The following DCUN1D4 variants were observed in gnomAD, a reference collection of about 807,000 sequenced individuals.
DCUN1D4 encodes the protein DCN1-like protein 4.
A neutral mutation model predicts 47.9 loss-of-function variants in DCUN1D4; 22 were observed. The ratio of observed to expected loss-of-function variants is 0.46; its 90% confidence interval spans 0.33 to 0.66. The LOEUF (loss-of-function observed/expected upper bound fraction) is 0.66, where lower values mean the gene tolerates loss of function less well. DCUN1D4 is among the 30% of genes least tolerant of loss of function. The pLI, the probability that DCUN1D4 is intolerant of heterozygous loss-of-function variation, is 0.02. For synonymous variants in DCUN1D4, 121 were observed against 112.2 expected (o/e 1.08, Z -0.50); for missense variants, 301 against 340.8 (o/e 0.88, Z 0.92).
chr4:51,913,177 C>CAGAAAG (rs1323653225), intron 9 of DCUN1D4, 113 bp from the exon 10 acceptor site: 2 of 627,120 alleles, frequency 3.2e-6, no homozygotes, highest in African/African-American at 3.7e-5. Context: ...AAACCTCAAA[C>CAGAAAG]AGAAAGAGTT....
intron 4 of DCUN1D4, 41 bp from the exon 5 acceptor site, chr4:51,877,722 A>G (rs1280584453): frequency 1.6e-6 from 2 of 1,239,122 alleles, no homozygotes; most frequent in Non-Finnish European, 2.3e-6. Flanking sequence ...TAAAGAACTC[A>G]GTATCTTTAA....
intron 1 of DCUN1D4, chr4:51,843,607 G>T: frequency 1.6e-6 from 2 of 1,262,296 alleles, no homozygotes; most frequent in Non-Finnish European, 2.0e-6. Flanking sequence ...GGCAGCGTTG[G>T]GCTGTAGCGG....
intron 8 of DCUN1D4, among the ~76,000 whole-genome samples, chr4:51,908,723 C>T (rs770483458): frequency 2.6e-5 from 4 of 152,074 alleles, no homozygotes; most frequent in South Asian, 2.1e-4. Context: ...GAACCCCCTG[C>T]GAGTGTCTCC....
chr4:51,838,364 G>T (rs1305147631), upstream of DCUN1D4, among the ~76,000 whole-genome samples: 1 of 151,972 alleles, frequency 6.6e-6, no homozygotes, highest in African/African-American at 2.4e-5. Context: ...CCTAAAAAGA[G>T]GCCTGGTTTC....
At chr4:51,872,731 G>C (rs2109968334) in intron 3 of DCUN1D4, among the ~76,000 whole-genome samples, 1 of 152,246 alleles carries the variant, frequency 6.6e-6, no homozygotes, top group South Asian at 2.1e-4. Flanking sequence ...GGGCTGCTTG[G>C]GTTCATACTG....
chr4:51,874,318 C>A lies in DCUN1D4; in HGVS notation c.184C>A (p.Pro62Thr). 6.2e-7 allele frequency: 1 copy of A among 1,613,348 alleles called. No individual in the cohort carries two copies. Among genetic ancestry groups the A allele is most frequent in the Non-Finnish European group, 8.5e-7 (1 of 1,179,782 alleles). Residue 62 changes from proline to threonine, a missense_variant, in exon 4 of 11, where the codon CCA becomes ACA. This residue lies in a region of DCUN1D4 where 131 missense variants were observed against 106.3 expected (regional missense o/e 1.23). Transcript: ENST00000334635. ...TTCAGACTGCTTTAATAAAGTGATG[C>A]CACCAAGGAAAAAGAGAAGACCTGC... ...SSSDCFNKVM[P>T]PRKKRRPASG...
rs766690558 is a variant in DCUN1D4, at chr4:51,891,842, C to A, written c.497C>A (p.Thr166Asn). ...CTACAGGAGTGGTTAAAAGGAATGA[C>A]TTCTCTCCAGTAAGTCCTAGGCTGC... Reference protein sequence around the residue: ...FTLQEWLKGMTSLQCDTTEKL... With the variant: ...FTLQEWLKGMNSLQCDTTEKL... Residue 166 changes from threonine (T) to asparagine (N), a missense_variant, in exon 7 of 11, where the codon ACT (threonine) becomes AAT (asparagine). Transcript: ENST00000334635. The A allele has an allele frequency of 6.2e-7, 1 of 1,609,960 alleles. No individual in the cohort carries two copies. Among genetic ancestry groups the A allele is most frequent in the South Asian group, 1.1e-5 (1 of 90,256 alleles).
At chr4:51,847,884 C>A (rs4864614) in intron 1 of DCUN1D4, among the ~76,000 whole-genome samples, 63,297 of 151,978 alleles carry the variant, frequency 0.42, 15,925 homozygotes, top group African/African-American at 0.71. Context: ...ATAACAATAG[C>A]TGCTTGTTTA....
chr4:51,856,196 T>C (rs190444558), intron 1 of DCUN1D4, among the ~76,000 whole-genome samples: 1 of 152,350 alleles, frequency 6.6e-6, no homozygotes, highest in East Asian at 1.9e-4. Context: ...CCTTTCCTTC[T>C]GCCGCCTTTA....
intron 1 of DCUN1D4, among the ~76,000 whole-genome samples, chr4:51,849,226 A>G (rs1723000976): frequency 6.6e-6 from 1 of 152,148 alleles, no homozygotes; most frequent in African/African-American, 2.4e-5. Flanking sequence ...GAGGCAAGGA[A>G]AGAAGAGTAG....
chr4:51,902,177 T>C (rs1732217140), intron 8 of DCUN1D4, among the ~76,000 whole-genome samples: 1 of 152,192 alleles, frequency 6.6e-6, no homozygotes, highest in African/African-American at 2.4e-5. Flanking sequence ...ATCTATTTGA[T>C]TTATGGTCCA....
rs1734156824 is a variant in DCUN1D4, at chr4:51,914,738, T to G, written c.*1154T>G. 6.6e-6 allele frequency: 1 copy of G among 152,456 alleles called. No homozygotes were observed. The highest frequency in any genetic ancestry group is 1.5e-5 in the Non-Finnish European group (1 of 67,998). The allele number at this position is 152,456 out of a possible 1,614,324, so 9.4% of individuals were successfully genotyped here. A position where few individuals can be genotyped will look rare whatever the true frequency, so the allele number is the denominator to read the frequency against. ...GGCCACTTTTCATTACCTGAGTTATTTGTACAGAAGGGCAATAGCCATTAT... is the reference window on the plus strand; with the variant it reads ...GGCCACTTTTCATTACCTGAGTTATGTGTACAGAAGGGCAATAGCCATTAT... On this transcript the variant is annotated 3_prime_UTR_variant, in exon 11 of 11. Transcript: ENST00000334635.
At chr4:51,840,734 G>A (rs570678273), upstream of DCUN1D4, among the ~76,000 whole-genome samples, 19 of 152,258 alleles carry the variant, frequency 1.2e-4, no homozygotes, top group Admixed American at 3.9e-4. Flanking sequence ...TGATATCAGA[G>A]GTTTATATGG....
At position 51,899,378 on chromosome 4, in the gene DCUN1D4, G is replaced by A; in HGVS notation, c.615G>A (p.Arg205=). ...ACAGATATGCGTTTGACTTTGCACG[G>A]GTGAGTTCTCTGGAGCCTATCCAGA... ...LIYRYAFDFA[R]EKDQRSLDIN... The change falls in exon 8 of 11, where the codon CGG becomes CGA. Residue 205 remains arginine (R), a splice_region_variant and synonymous_variant. Transcript: ENST00000334635. 1 of 1,603,374 alleles carries A rather than the reference G, an allele frequency of 6.2e-7. No homozygotes were observed. Among genetic ancestry groups the A allele is most frequent in the Non-Finnish European group, 8.5e-7 (1 of 1,175,072 alleles).
intron 1 of DCUN1D4, 21 bp downstream of exon 1, chr4:51,843,288 C>T: frequency 6.6e-7 from 1 of 1,525,322 alleles, no homozygotes; most frequent in South Asian, 1.2e-5. Context: ...GAGAGCCAGC[C>T]AGCGGGCCGG....
At chr4:51,905,906 A>T (rs1170257440) in intron 8 of DCUN1D4, among the ~76,000 whole-genome samples, 1 of 152,108 alleles carries the variant, frequency 6.6e-6, no homozygotes, top group Admixed American at 6.5e-5. Flanking sequence ...GTTTGAGAGG[A>T]GCCCTGGTGG....
intron 8 of DCUN1D4, among the ~76,000 whole-genome samples, chr4:51,903,572 T>C (rs1224986288): frequency 3.3e-5 from 5 of 152,178 alleles, no homozygotes; most frequent in Non-Finnish European, 7.3e-5. Flanking sequence ...CTGTTATTTC[T>C]CCAAATATTT....
At position 51,893,629 on chromosome 4, in the gene DCUN1D4, G is replaced by A. The variant is rs531905995; in HGVS notation, c.506+1778G>A. Among the ~76,000 whole-genome samples, 15 of 152,282 alleles carry A rather than the reference G, an allele frequency of 9.9e-5. No individual in the cohort carries two copies. In the South Asian group the frequency reaches 2.3e-3, roughly 23 times the overall value. On this transcript the variant is annotated intron_variant, in intron 7 of 10. Coordinates refer to ENST00000334635, the MANE Select transcript of DCUN1D4 (RefSeq NM_001040402.3). The stretch of plus-strand genomic sequence containing the variant: ...TTTAGTAGAGACGGGGTTTCGCCAT[G>A]TTGGCTAGGCTCGAACTCCTGACCT...
the DCUN1D4 span, among the ~76,000 whole-genome samples, chr4:51,837,231 G>A: frequency 6.6e-6 from 1 of 152,138 alleles, no homozygotes; most frequent in Non-Finnish European, 1.5e-5. Context: ...CAAATACTTT[G>A]TTAATTCCCT....
Sources: allele counts gnomAD v4.1 joint callset (sites outside exome capture counted in the v4.1 genomes callset), GRCh38; gene constraint gnomAD v4.1.1; regional missense constraint gnomAD v4.1.1; transcripts MANE v1.5; gene names NCBI Gene and HGNC (gene_info 2026-07-23, HGNC 2026-07-21).